TRDMT1: variants seen among roughly 807,000 people sequenced by gnomAD.
TRDMT1 encodes tRNA (cytosine(38)-C(5))-methyltransferase.
A neutral mutation model predicts 51.2 loss-of-function variants in TRDMT1; 49 were observed. The observed-to-expected ratio is 0.96, with a 90% CI of 0.76 to 1.21. TRDMT1 has a LOEUF of 1.21. TRDMT1 is among the 50% of genes most tolerant of loss of function. TRDMT1 has a pLI of 0.00. For synonymous variants in TRDMT1, 187 were observed against 164.6 expected, an observed-to-expected ratio of 1.14 and a Z score of -1.04; for missense variants, 534 against 462.3, an observed-to-expected ratio of 1.16 and a Z score of -1.42.
chr10:17,167,944 T>C (rs1440469650), intron 3 of TRDMT1, among the ~76,000 whole-genome samples: 1 of 152,222 alleles, frequency 6.6e-6, no homozygotes. Flanking sequence ...ATATCTACTT[T>C]TGACCAAATT....
At chr10:17,159,732 G>A (rs182785340) in intron 6 of TRDMT1, among the ~76,000 whole-genome samples, 9 of 152,052 alleles carry the variant, frequency 5.9e-5, no homozygotes, top group Non-Finnish European at 1.3e-4. Flanking sequence ...ATTAATTTCT[G>A]GGCAAAGAAC....
rs1837469783 is a variant in TRDMT1 at position 17,137,962 on chromosome 10, T to C, written c.*11078A>G. Among the ~76,000 whole-genome samples the C allele has an allele frequency of 6.6e-6, 1 of 152,208 alleles. No homozygotes were observed. Among genetic ancestry groups the C allele is most frequent in the African/African-American group, 2.4e-5 (1 of 41,446 alleles). ...GGTTAAAGAATGTTGATTTAATCTT[T>C]TTAATAGGGGGATGTTCTTTTATCT... On this transcript the variant is annotated 3_prime_UTR_variant, in exon 11 of 11. Coordinates refer to ENST00000377799, the MANE Select transcript of TRDMT1 (RefSeq NM_004412.7).
chr10:17,153,408 T>G, intron 10 of TRDMT1, 99 bp downstream of exon 10: 3 of 1,377,524 alleles, frequency 2.2e-6, no homozygotes, highest in Non-Finnish European at 3.0e-6. Flanking sequence ...AGAGGTTTCT[T>G]GAGCCCATTT....
At chr10:17,199,933 A>T (rs1260653990) in intron 1 of TRDMT1, among the ~76,000 whole-genome samples, 1 of 152,234 alleles carries the variant, frequency 6.6e-6, no homozygotes, top group Non-Finnish European at 1.5e-5. Flanking sequence ...ACTGTCACTT[A>T]AAATTACACA....
rs150098992 is a variant in TRDMT1, at chr10:17,145,986, T to C, written c.*3054A>G. On this transcript the variant is annotated 3_prime_UTR_variant, in exon 11 of 11. Coordinates refer to ENST00000377799, the MANE Select transcript of TRDMT1 (RefSeq NM_004412.7). ...GTTGAGATGGGAGCAAAAACCCAGA[T>C]GGTGATTTCTGCTGAGAACTTCCAC... 3.0e-6 allele frequency: 3 copies of C among 985,324 alleles called. No homozygotes were observed. Among genetic ancestry groups the C allele is most frequent in the South Asian group, 4.7e-5 (1 of 21,290 alleles). 61.0% of individuals were successfully genotyped at this position (985,324 alleles called of 1,614,324 possible).
chr10:17,192,589 C>G (rs1844840121), intron 1 of TRDMT1, among the ~76,000 whole-genome samples: 1 of 152,170 alleles, frequency 6.6e-6, no homozygotes, highest in African/African-American at 2.4e-5. Flanking sequence ...TGCTCTCCTT[C>G]CCCGCAAAAC....
At chr10:17,154,195 T>C (rs1839182868) in intron 9 of TRDMT1, among the ~76,000 whole-genome samples, 1 of 152,144 alleles carries the variant, frequency 6.6e-6, no homozygotes, top group South Asian at 2.1e-4. Flanking sequence ...TTTAAAAGTA[T>C]TCAAAAAAAT....
Position 17,149,114 on chromosome 10 carries a change from G to C in TRDMT1, c.1102C>G (p.Gln368Glu), listed in dbSNP as rs772319202. ...CTATTTCCAAGTAGGCGATAACGCTGTTTCACTGTTATCTTCTCAGGAAAT... is the reference window on the plus strand; with the variant it reads ...CTATTTCCAAGTAGGCGATAACGCTCTTTCACTGTTATCTTCTCAGGAAAT... Reference protein sequence around the residue: ...FGFPEKITVKQRYRLLGNSLN... With the variant: ...FGFPEKITVKERYRLLGNSLN... The change falls in exon 11 of 11, where the codon CAG (glutamine) becomes GAG (glutamate). Residue 368 changes from glutamine to glutamate, a missense_variant. By Grantham distance (29) the Gln-to-Glu change is conservative. Coordinates refer to ENST00000377799, the MANE Select transcript of TRDMT1 (RefSeq NM_004412.7). The C allele has an allele frequency of 2.5e-5, 40 of 1,610,882 alleles. No individual in the cohort carries two copies. Among genetic ancestry groups the C allele is most frequent in the Non-Finnish European group, 3.1e-5 (37 of 1,178,782 alleles).
intron 8 of TRDMT1, among the ~76,000 whole-genome samples, chr10:17,155,923 T>C (rs1050452086): frequency 2.6e-5 from 4 of 152,222 alleles, no homozygotes; most frequent in Non-Finnish European, 5.9e-5. Flanking sequence ...TGTTTTTTAT[T>C]ACAAAATTGC....
Position 17,143,294 on chromosome 10 carries a change from A to G in TRDMT1, c.*5746T>C, listed in dbSNP as rs1837833147. 2.0e-6 allele frequency: 2 copies of G among 984,712 alleles called. No homozygotes were observed. Among genetic ancestry groups the G allele is most frequent in the Non-Finnish European group, 2.4e-6 (2 of 829,344 alleles). The allele number at this position is 984,712 out of a possible 1,614,324, so 61.0% of individuals were successfully genotyped here. On this transcript the variant is annotated 3_prime_UTR_variant, in exon 11 of 11. Transcript: ENST00000377799. ...AGTACTGTTTTAAGTCACTGGGGGG[A>G]CAACGTATTAACAATCTCTGCCCTT...
At chr10:17,199,052 T>TA (rs1395340460) in intron 1 of TRDMT1, among the ~76,000 whole-genome samples, 7 of 152,322 alleles carry the variant, frequency 4.6e-5, no homozygotes, top group Admixed American at 4.6e-4. Context: ...GACCTGAATT[T>TA]AAAAGATCCC....
In TRDMT1 at chr10:17,143,275, G is replaced by A. The variant is rs1222531672; in HGVS notation, c.*5765C>T. On this transcript the variant is annotated 3_prime_UTR_variant, in exon 11 of 11. Transcript: ENST00000377799. ...TGAGTGCTTACTATGTGCCAGTACTGTTTTAAGTCACTGGGGGGACAACGT... is the reference window on the plus strand; with the variant it reads ...TGAGTGCTTACTATGTGCCAGTACTATTTTAAGTCACTGGGGGGACAACGT... The A allele has an allele frequency of 1.0e-6, 1 of 984,186 alleles. No individual in the cohort carries two copies. Among genetic ancestry groups the A allele is most frequent in the East Asian group, 1.1e-4 (1 of 8,818 alleles). The allele number at this position is 984,186 out of a possible 1,614,324, so 61.0% of individuals were successfully genotyped here. A position where few individuals can be genotyped will look rare whatever the true frequency, so the allele number is the denominator to read the frequency against.
intron 8 of TRDMT1, among the ~76,000 whole-genome samples, chr10:17,157,106 A>G (rs1839623728): frequency 6.6e-6 from 1 of 152,206 alleles, no homozygotes; most frequent in South Asian, 2.1e-4. Context: ...TGAACACTTG[A>G]GGTATGATGT....
intron 3 of TRDMT1, among the ~76,000 whole-genome samples, chr10:17,165,753 A>G (rs1841110740): frequency 6.6e-6 from 1 of 152,256 alleles, no homozygotes; most frequent in Non-Finnish European, 1.5e-5. Flanking sequence ...TTATGCAGCC[A>G]AAAGACACAT....
At chr10:17,189,720 A>G (rs978443652) in intron 1 of TRDMT1, among the ~76,000 whole-genome samples, 3 of 152,180 alleles carry the variant, frequency 2.0e-5, no homozygotes, top group African/African-American at 7.2e-5. Flanking sequence ...TAGTTAATTT[A>G]AAATCATATG....
At chr10:17,198,277 G>A (rs1029165416) in intron 1 of TRDMT1, among the ~76,000 whole-genome samples, 4 of 152,174 alleles carry the variant, frequency 2.6e-5, no homozygotes, top group Non-Finnish European at 5.9e-5. Flanking sequence ...ATTATCATAT[G>A]ATCCAGCAAT....
intron 3 of TRDMT1, among the ~76,000 whole-genome samples, chr10:17,165,849 A>G (rs551494445): frequency 0.03 from 4,586 of 152,296 alleles, 222 homozygotes; most frequent in African/African-American, 0.1. Flanking sequence ...TAGAATGGCA[A>G]TCATTAAAAA....
At chr10:17,153,370 G>A in intron 10 of TRDMT1, 137 bp downstream of exon 10, 1 of 983,162 alleles carries the variant, frequency 1.0e-6, no homozygotes, top group Non-Finnish European at 1.5e-6. Flanking sequence ...GCAGAAAGAT[G>A]CCATAAATGG....
At chr10:17,165,159 T>C (rs1418093572) in intron 3 of TRDMT1, among the ~76,000 whole-genome samples, 1 of 152,188 alleles carries the variant, frequency 6.6e-6, no homozygotes, top group African/African-American at 2.4e-5. Context: ...ATGGTACTGG[T>C]ACCAAAACAG....
Sources: gnomAD v4.1 joint callset for allele counts (sites outside exome capture counted in the v4.1 genomes callset) on GRCh38, gnomAD v4.1.1 for gene constraint, MANE v1.5 for transcripts, NCBI Gene and HGNC (gene_info 2026-07-23, HGNC 2026-07-21) for gene names.